The following DLG2 variants were observed in gnomAD, a reference collection of about 807,000 sequenced individuals.
DLG2 encodes discs large MAGUK scaffold protein 2, also known as disks large homolog 2.
A neutral mutation model predicts 132.5 loss-of-function variants in DLG2; 45 were observed. That is an observed-to-expected ratio of 0.34 (90% CI 0.27 to 0.44). DLG2 has a LOEUF of 0.44. Among genes scored for constraint, DLG2 ranks in the 20% least tolerant of loss-of-function variants. The pLI is 1.00. For synonymous variants in DLG2, 424 were observed against 419.6 expected (o/e 1.01, Z -0.13); for missense variants, 1,045 against 1,196.9 (o/e 0.87, Z 1.87).
intron 19 of DLG2, among the ~76,000 whole-genome samples, chr11:83,580,884 C>A (rs1214223727): frequency 8.3e-6 from 1 of 120,394 alleles, no homozygotes; most frequent in Non-Finnish European, 1.8e-5. Context: ...CTCTCCCCTC[C>A]TCTCCCCTCC....
intron 19 of DLG2, among the ~76,000 whole-genome samples, chr11:83,576,422 G>A (rs1023805041): frequency 3.9e-4 from 60 of 151,976 alleles, no homozygotes; most frequent in African/African-American, 1.4e-3. Context: ...AATCCAAGAA[G>A]CTTAATACCA....
intron 6 of DLG2, among the ~76,000 whole-genome samples, chr11:84,738,315 A>T (rs2064136173): frequency 6.6e-6 from 1 of 151,998 alleles, no homozygotes; most frequent in South Asian, 2.1e-4. Context: ...GACATAATAT[A>T]TTCTTTTTCA....
chr11:84,088,143 T>G (rs2097023080), intron 10 of DLG2, among the ~76,000 whole-genome samples: 1 of 152,190 alleles, frequency 6.6e-6, no homozygotes, highest in Admixed American at 6.5e-5. Context: ...GAACTCCAAG[T>G]TATCTATTTT....
chr11:84,988,572 C>T (rs144500894), intron 6 of DLG2, among the ~76,000 whole-genome samples: 1 of 152,260 alleles, frequency 6.6e-6, no homozygotes, highest in Non-Finnish European at 1.5e-5. Flanking sequence ...GCTTTCGCAG[C>T]AACCTGGATG....
intron 8 of DLG2, among the ~76,000 whole-genome samples, chr11:84,195,759 G>A (rs1032668402): frequency 2.0e-5 from 3 of 152,168 alleles, no homozygotes; most frequent in African/African-American, 7.2e-5. Context: ...GTGTAAGCCA[G>A]GTTCTTCTGT....
chr11:84,357,920 T>A (rs899985530), intron 7 of DLG2, among the ~76,000 whole-genome samples: 5 of 151,960 alleles, frequency 3.3e-5, no homozygotes, highest in Non-Finnish European at 5.9e-5. Flanking sequence ...TTTCTAGAAG[T>A]TGGCCACATC....
intron 16 of DLG2, among the ~76,000 whole-genome samples, chr11:83,867,700 T>C (rs1315188854): frequency 6.6e-6 from 1 of 152,194 alleles, no homozygotes; most frequent in Non-Finnish European, 1.5e-5. Context: ...TTTGTTTATG[T>C]ATTTATTTAT....
At chr11:83,859,008 C>A (rs905144044) in intron 16 of DLG2, among the ~76,000 whole-genome samples, 3 of 152,200 alleles carry the variant, frequency 2.0e-5, no homozygotes, top group African/African-American at 7.2e-5. Context: ...TGTCTCTTTG[C>A]CTGCTGCAAT....
chr11:83,747,382 C>G (rs1333892724), intron 18 of DLG2, among the ~76,000 whole-genome samples: 1 of 149,814 alleles, frequency 6.7e-6, no homozygotes, highest in Non-Finnish European at 1.5e-5. Flanking sequence ...CTCTCTCTCT[C>G]TCTTTTTTGA....
At chr11:83,873,313 G>C (rs1439839317) in intron 16 of DLG2, among the ~76,000 whole-genome samples, 1 of 152,096 alleles carries the variant, frequency 6.6e-6, no homozygotes, top group Non-Finnish European at 1.5e-5. Context: ...TTGGCTGTGT[G>C]TCCCCACCCA....
At chr11:83,721,832 GAT>G (rs2088659359) in intron 18 of DLG2, among the ~76,000 whole-genome samples, 1 of 152,128 alleles carries the variant, frequency 6.6e-6, no homozygotes, top group African/African-American at 2.4e-5. Flanking sequence ...AGGTGGCTGG[GAT>G]ATAAAGGATG....
At chr11:83,896,950 A>AT (rs5793091) in intron 15 of DLG2, among the ~76,000 whole-genome samples, 63,641 of 151,880 alleles carry the variant, frequency 0.42, 13,738 homozygotes, top group South Asian at 0.6. Flanking sequence ...GCAGTGTTGT[A>AT]TTTTTTAAGC....
At chr11:85,600,720 T>C (rs542204722) in intron 2 of DLG2, among the ~76,000 whole-genome samples, 29 of 152,362 alleles carry the variant, frequency 1.9e-4, no homozygotes, top group African/African-American at 5.3e-4. Flanking sequence ...ACAACAAAGA[T>C]AGTTTTTGTG....
intron 3 of DLG2, among the ~76,000 whole-genome samples, chr11:85,430,477 C>T (rs1227948705): frequency 6.6e-6 from 1 of 151,828 alleles, no homozygotes; most frequent in Non-Finnish European, 1.5e-5. Context: ...GTACAAAAAT[C>T]ATTACATATC....
rs1192974118 is a variant in DLG2 at position 83,786,623 on chromosome 11, T to C, written c.1825+67A>G. ...TGGTGACTCTAGTTAATAAAAATTA[T>C]TAGTAATGAGGGTACAGATCCACAC... On this transcript the variant is annotated intron_variant, in intron 18 of 27. Coordinates refer to ENST00000376104, the MANE Select transcript of DLG2 (RefSeq NM_001142699.3). The C allele has an allele frequency of 2.2e-6, 3 of 1,368,336 alleles. No individual in the cohort carries two copies. The East Asian group carries it at 6.9e-5, about 32-fold the overall frequency. The allele number at this position is 1,368,336 out of a possible 1,614,324, so 84.8% of individuals were successfully genotyped here. A position where few individuals can be genotyped will look rare whatever the true frequency, so the allele number is the denominator to read the frequency against.
intron 7 of DLG2, among the ~76,000 whole-genome samples, chr11:84,380,589 A>T (rs1452394596): frequency 6.6e-6 from 1 of 151,978 alleles, no homozygotes; most frequent in African/African-American, 2.4e-5. Flanking sequence ...GAAAGAAGAA[A>T]ACTTATAGCC....
intron 6 of DLG2, among the ~76,000 whole-genome samples, chr11:84,845,613 A>T (rs2081359521): frequency 6.6e-6 from 1 of 151,796 alleles, no homozygotes; most frequent in Non-Finnish European, 1.5e-5. Flanking sequence ...CTATTGGCAG[A>T]ATTTTAATCA....
intron 6 of DLG2, among the ~76,000 whole-genome samples, chr11:85,028,965 T>C (rs1056212850): frequency 2.0e-5 from 3 of 152,186 alleles, no homozygotes; most frequent in African/African-American, 7.2e-5. Flanking sequence ...CCACACAGGC[T>C]GCAGCTGCCC....
At chr11:84,470,943 G>C (rs995502123) in intron 7 of DLG2, among the ~76,000 whole-genome samples, 1 of 151,800 alleles carries the variant, frequency 6.6e-6, no homozygotes, top group Non-Finnish European at 1.5e-5. Flanking sequence ...CTGGCACTAA[G>C]ACAGACAGGG....
Sources: gnomAD v4.1 joint callset for allele counts (sites outside exome capture counted in the v4.1 genomes callset) on GRCh38, gnomAD v4.1.1 for gene constraint, MANE v1.5 for transcripts, NCBI Gene and HGNC (gene_info 2026-07-23, HGNC 2026-07-21) for gene names.